DLGAP1: variants seen among roughly 807,000 people sequenced by gnomAD.
DLGAP1 encodes DLG associated protein 1, also known as disks large-associated protein 1.
A neutral mutation model predicts 90.8 loss-of-function variants in DLGAP1; 11 were observed. The ratio of observed to expected loss-of-function variants is 0.12; its 90% CI spans 0.08 to 0.20. DLGAP1 has a LOEUF of 0.20. Among genes scored for constraint, DLGAP1 ranks in the 10% least tolerant of loss-of-function variants. The pLI is 1.00. For synonymous variants in DLGAP1, 558 were observed against 540.7 expected (o/e 1.03, Z -0.44); for missense variants, 1,050 against 1,333.8 (o/e 0.79, Z 3.31).
chr18:4,349,657 T>C (rs2081367088), intron 1 of DLGAP1, among the ~76,000 whole-genome samples: 1 of 151,978 alleles, frequency 6.6e-6, no homozygotes, highest in Non-Finnish European at 1.5e-5. Context: ...ACAGAGATGA[T>C]ATGGAGGAAG....
intron 7 of DLGAP1, among the ~76,000 whole-genome samples, chr18:3,681,885 AGGTG>A (rs1567955530): frequency 6.6e-6 from 1 of 152,132 alleles, no homozygotes; most frequent in Non-Finnish European, 1.5e-5. Flanking sequence ...TGGGAGGCTG[AGGTG>A]GGTGGATCAC....
At chr18:3,717,853 G>C (rs563289278) in intron 7 of DLGAP1, among the ~76,000 whole-genome samples, 34 of 152,296 alleles carry the variant, frequency 2.2e-4, no homozygotes, top group African/African-American at 7.9e-4. Flanking sequence ...GGTATTTAAA[G>C]TCTTTAACTC....
At chr18:3,692,420 T>C (rs1252627346) in intron 7 of DLGAP1, among the ~76,000 whole-genome samples, 1 of 152,234 alleles carries the variant, frequency 6.6e-6, no homozygotes, top group Non-Finnish European at 1.5e-5. Context: ...ATCATTTTAA[T>C]TAGTAGTTTA....
chr18:3,710,640 G>GA (rs1435997829), intron 7 of DLGAP1, among the ~76,000 whole-genome samples: 1 of 152,324 alleles, frequency 6.6e-6, no homozygotes, highest in East Asian at 1.9e-4. Flanking sequence ...GAACAAGACA[G>GA]AAAAATTTTT....
chr18:3,580,803 G>A (rs780092419), intron 8 of DLGAP1: 30 of 1,575,612 alleles, frequency 1.9e-5, no homozygotes, highest in East Asian at 4.5e-5. Context: ...GTGCCGAAGC[G>A]TCTTCCACCT....
intron 2 of DLGAP1, among the ~76,000 whole-genome samples, chr18:4,146,809 G>A (rs188057631): frequency 1.2e-3 from 186 of 152,154 alleles, no homozygotes; most frequent in African/African-American, 4.1e-3. Flanking sequence ...TTTCATGAGT[G>A]CGTTCTGAGG....
chr18:3,625,733 G>GA (rs1234453212), intron 7 of DLGAP1, among the ~76,000 whole-genome samples: 2 of 149,956 alleles, frequency 1.3e-5, no homozygotes, highest in African/African-American at 4.9e-5. Context: ...TTGTAAAACA[G>GA]AAAAAAAAAG....
intron 7 of DLGAP1, among the ~76,000 whole-genome samples, chr18:3,588,922 C>T (rs1283796314): frequency 6.6e-6 from 1 of 152,204 alleles, no homozygotes; most frequent in Non-Finnish European, 1.5e-5. Flanking sequence ...GTGGCTTATG[C>T]CTGTAATCCT....
At chr18:4,082,428 T>C (rs928299496) in intron 2 of DLGAP1, among the ~76,000 whole-genome samples, 8 of 145,166 alleles carry the variant, frequency 5.5e-5, no homozygotes, top group African/African-American at 7.7e-5. Flanking sequence ...CAAGAATCAC[T>C]TGAACCTGGG....
At chr18:4,134,205 C>T (rs9958677) in intron 2 of DLGAP1, among the ~76,000 whole-genome samples, 28,285 of 151,866 alleles carry the variant, frequency 0.19, 2,841 homozygotes, top group African/African-American at 0.24. Flanking sequence ...CCAAGAAACA[C>T]CCGTGTTCTC....
intron 1 of DLGAP1, among the ~76,000 whole-genome samples, chr18:4,255,597 G>C (rs2078873140): frequency 6.6e-6 from 1 of 151,522 alleles, no homozygotes; most frequent in African/African-American, 2.4e-5. Context: ...TTTAAGCATG[G>C]GGAAAAGAGC....
At chr18:4,258,724 C>T (rs1018628751) in intron 1 of DLGAP1, among the ~76,000 whole-genome samples, 3 of 151,888 alleles carry the variant, frequency 2.0e-5, no homozygotes, top group East Asian at 1.9e-4. Flanking sequence ...TCGTTCATTA[C>T]GGCAATACTG....
rs866385021 is a variant in DLGAP1, at chr18:3,874,647, G to A, written c.957+4465C>T. The A allele has an allele frequency of 3.3e-6, 5 of 1,535,488 alleles. No homozygotes were observed. In the Middle Eastern group the frequency reaches 8.4e-4, roughly 256 times the overall value. ...GTGCCATAAATGCTTTATTCCAAAT[G>A]TATAAGAGCCAACCACATCTCAACT... On this transcript the variant is annotated intron_variant, in intron 4 of 12. Transcript: ENST00000315677.
intron 7 of DLGAP1, among the ~76,000 whole-genome samples, chr18:3,649,899 CA>C (rs1243767293): frequency 6.6e-6 from 1 of 152,166 alleles, no homozygotes; most frequent in Non-Finnish European, 1.5e-5. Context: ...CACAAGATGA[CA>C]AATGGCTAAC....
chr18:3,641,652 A>G (rs2058950663), intron 7 of DLGAP1, among the ~76,000 whole-genome samples: 1 of 151,806 alleles, frequency 6.6e-6, no homozygotes, highest in South Asian at 2.1e-4. Flanking sequence ...TATGGCAACA[A>G]TAGTAGATTG....
chr18:4,352,397 A>ACT (rs1319015410), intron 1 of DLGAP1, among the ~76,000 whole-genome samples: 44 of 151,930 alleles, frequency 2.9e-4, no homozygotes, highest in Non-Finnish European at 6.0e-4. Context: ...TGGTAAGGCA[A>ACT]CTCTCTGCCT....
intron 1 of DLGAP1, among the ~76,000 whole-genome samples, chr18:4,341,863 A>C (rs558984): frequency 0.77 from 116,767 of 151,942 alleles, 45,153 homozygotes; most frequent in Non-Finnish European, 0.79. Flanking sequence ...AAGCATGATA[A>C]AATGATGAAA....
chr18:3,522,086 A>G (rs1413385962), intron 10 of DLGAP1, among the ~76,000 whole-genome samples: 1 of 124,078 alleles, frequency 8.1e-6, no homozygotes, highest in Non-Finnish European at 1.7e-5. Context: ...ATTTCCTTAT[A>G]TTCAAGTTTT....
At chr18:3,725,041 A>G (rs1183160663) in intron 7 of DLGAP1, among the ~76,000 whole-genome samples, 3 of 152,126 alleles carry the variant, frequency 2.0e-5, no homozygotes, top group Non-Finnish European at 4.4e-5. Context: ...AGTCTTAAAT[A>G]CTTATTTTTA....
Sources: allele counts gnomAD v4.1 joint callset (sites outside exome capture counted in the v4.1 genomes callset), GRCh38; gene constraint gnomAD v4.1.1; transcripts MANE v1.5; gene names NCBI Gene and HGNC (gene_info 2026-07-23, HGNC 2026-07-21).